B3GALNT2: variants seen among roughly 807,000 people sequenced by gnomAD.
B3GALNT2 encodes the protein UDP-GalNAc:beta-1,3-N-acetylgalactosaminyltransferase 2.
B3GALNT2 carries 53 observed loss-of-function variants against 61.1 expected under a neutral mutation model. The ratio of observed to expected loss-of-function variants is 0.87; its 90% confidence interval spans 0.70 to 1.09. The LOEUF is 1.09. Among genes scored for constraint, B3GALNT2 ranks in the 50% least tolerant of loss-of-function variants. The pLI, the probability that B3GALNT2 is intolerant of heterozygous loss-of-function variation, is 0.00. For missense variants in B3GALNT2, 544 were observed against 623.0 expected (o/e 0.87, Z 1.35); for synonymous variants, 223 against 237.4 (o/e 0.94, Z 0.56).
intron 4 of B3GALNT2, among the ~76,000 whole-genome samples, chr1:235,484,111 T>C (rs1229575809): frequency 1.3e-5 from 2 of 152,180 alleles, no homozygotes; most frequent in Non-Finnish European, 1.5e-5. Flanking sequence ...CCTTCTCTTC[T>C]AGATATAGCA....
At chr1:235,460,262 G>A (rs1403756373) in intron 7 of B3GALNT2, among the ~76,000 whole-genome samples, 1 of 151,714 alleles carries the variant, frequency 6.6e-6, no homozygotes, top group African/African-American at 2.4e-5. Context: ...GATTACAGGC[G>A]CCTGCCACTG....
intron 4 of B3GALNT2, among the ~76,000 whole-genome samples, chr1:235,481,647 AGTT>A (rs1684568972): frequency 1.3e-5 from 2 of 152,086 alleles, no homozygotes; most frequent in African/African-American, 4.8e-5. Context: ...CCTGGCTGAT[AGTT>A]TTTTTTTTAA....
At chr1:235,460,276 C>T (rs1419514530) in intron 7 of B3GALNT2, among the ~76,000 whole-genome samples, 1 of 151,344 alleles carries the variant, frequency 6.6e-6, no homozygotes, top group Non-Finnish European at 1.5e-5. Flanking sequence ...GCCACTGTGC[C>T]CAGCTAATTG....
chr1:235,503,903 T>C (rs573534094), intron 1 of B3GALNT2, among the ~76,000 whole-genome samples: 1 of 152,294 alleles, frequency 6.6e-6, no homozygotes, highest in South Asian at 2.1e-4. Context: ...GCGCCGGCTC[T>C]GCGGGCGTTA....
chr1:235,481,253 G>C (rs1684553414), intron 4 of B3GALNT2, among the ~76,000 whole-genome samples: 1 of 152,110 alleles, frequency 6.6e-6, no homozygotes, highest in African/African-American at 2.4e-5. Flanking sequence ...CTCCTCCCTG[G>C]TTAAAAATAT....
At chr1:235,497,592 C>A (rs1685386515) in intron 1 of B3GALNT2, among the ~76,000 whole-genome samples, 1 of 152,162 alleles carries the variant, frequency 6.6e-6, no homozygotes, top group African/African-American at 2.4e-5. Context: ...TAATTTACTA[C>A]CTTATTTTTG....
intron 11 of B3GALNT2, chr1:235,451,051 G>A (rs896017158): frequency 6.6e-6 from 1 of 152,288 alleles, no homozygotes; most frequent in African/African-American, 2.4e-5. Context: ...AAGAAACAGG[G>A]TAGGAGAAAG....
chr1:235,443,061 C>T (rs1188487484), downstream of B3GALNT2: 1 of 787,024 alleles, frequency 1.3e-6, no homozygotes, highest in East Asian at 2.7e-5. Flanking sequence ...AAAATACAAT[C>T]AATCATGCTA....
chr1:235,455,633 A>T lies in B3GALNT2; in HGVS notation c.1077T>A (p.Cys359Ter). 1.9e-6 allele frequency: 3 copies of T among 1,604,388 alleles called. No homozygotes were observed. The highest frequency in any genetic ancestry group is 4.5e-5 in the East Asian group (2 of 44,818). The change falls in exon 9 of 12, where the codon TGT becomes TGA. Residue 359 changes from cysteine to a stop codon, truncating the protein, a stop_gained. Transcript: ENST00000366600. LOFTEE classifies it high-confidence loss of function. ...TAAATACAGCTTCGAGGTCTATGTA[A>T]CAGTCATCATCTGTCTTCAGCAACA... Reference protein sequence around the residue: ...FNLLLKTDDDCYIDLEAVFNR... With the variant: ...FNLLLKTDDD
intron 4 of B3GALNT2, 100 bp downstream of exon 4, chr1:235,484,222 A>G (rs1005116624): frequency 2.1e-6 from 3 of 1,449,882 alleles, no homozygotes; most frequent in Non-Finnish European, 2.7e-6. Flanking sequence ...AACCAGAGAG[A>G]ATTATATAGT....
chr1:235,476,411 TAAACAAACAAAC>T (rs111689826), intron 5 of B3GALNT2, among the ~76,000 whole-genome samples: 3 of 148,074 alleles, frequency 2.0e-5, no homozygotes, highest in Non-Finnish European at 1.5e-5. Context: ...ACTCCGTTTC[TAAACAAACAAAC>T]AAACAAACAA....
At chr1:235,488,417 C>T (rs1684903554) in intron 3 of B3GALNT2, among the ~76,000 whole-genome samples, 1 of 152,066 alleles carries the variant, frequency 6.6e-6, no homozygotes, top group African/African-American at 2.4e-5. Flanking sequence ...GGTATGGTGG[C>T]TCATGCCTGT....
At chr1:235,472,705 T>C (rs1025743844) in intron 5 of B3GALNT2, among the ~76,000 whole-genome samples, 8 of 152,108 alleles carry the variant, frequency 5.3e-5, no homozygotes, top group African/African-American at 9.7e-5. Flanking sequence ...GAATTGACTA[T>C]AGTATAGAGG....
In B3GALNT2 at chr1:235,494,747, T is replaced by G; in HGVS notation, c.194A>C (p.Glu65Ala). ...GGTGCTTCTTATCACGTTTCGAAGTTCATGGTTATTGCGAGCTGACAACAC... is the reference window on the plus strand; with the variant it reads ...GGTGCTTCTTATCACGTTTCGAAGTGCATGGTTATTGCGAGCTGACAACAC... ...VGVLSARNNH[E>A]LRNVIRSTWM... The change falls in exon 2 of 12, where the codon GAA (glutamate) becomes GCA (alanine). Residue 65 changes from glutamate to alanine, a missense_variant. Coordinates refer to ENST00000366600, the MANE Select transcript of B3GALNT2 (RefSeq NM_152490.5). The G allele has an allele frequency of 6.2e-7, 1 of 1,612,942 alleles. No individual in the cohort carries two copies. The highest frequency in any genetic ancestry group is 8.5e-7 in the Non-Finnish European group (1 of 1,178,950).
At chr1:235,494,420 A>G (rs986871474) in intron 2 of B3GALNT2, among the ~76,000 whole-genome samples, 16 of 152,104 alleles carry the variant, frequency 1.1e-4, no homozygotes, top group African/African-American at 3.9e-4. Context: ...CACATATCTG[A>G]ATGAACATTT....
At chr1:235,442,421 C>T (rs960029493), downstream of B3GALNT2, among the ~76,000 whole-genome samples, 3 of 152,192 alleles carry the variant, frequency 2.0e-5, no homozygotes, top group Admixed American at 6.5e-5. Flanking sequence ...CCACCCGCCT[C>T]GGCCTCCCAA....
Position 235,450,068 on chromosome 1 carries a change from G to A in B3GALNT2, c.*138C>T. The A allele has an allele frequency of 9.8e-7, 1 of 1,025,226 alleles. No homozygotes were observed. The highest frequency in any genetic ancestry group is 1.6e-5 in the African/African-American group (1 of 62,814). 63.5% of individuals were successfully genotyped at this position (1,025,226 alleles called of 1,614,324 possible). Reference sequence around the variant, plus strand: ...TGCAAACATTAAGAAACACCGCATTGGTTCTGGGTGAAAGTGCCAGTCTGG... The same window carrying A: ...TGCAAACATTAAGAAACACCGCATTAGTTCTGGGTGAAAGTGCCAGTCTGG... On this transcript the variant is annotated 3_prime_UTR_variant, in exon 12 of 12. Coordinates refer to ENST00000366600, the MANE Select transcript of B3GALNT2 (RefSeq NM_152490.5).
chr1:235,443,542 A>AT (rs1433770217), downstream of B3GALNT2, among the ~76,000 whole-genome samples: 2 of 152,158 alleles, frequency 1.3e-5, no homozygotes, highest in African/African-American at 4.8e-5. Context: ...GAGACCTTGA[A>AT]TGGCATAGCC....
At chr1:235,480,231 C>CT in intron 4 of B3GALNT2, 82 bp from the exon 5 acceptor site, 1 of 1,535,140 alleles carries the variant, frequency 6.5e-7, no homozygotes, top group Non-Finnish European at 8.8e-7. Flanking sequence ...CACCTTACTT[C>CT]TTGGTCAGCT....
Sources: allele counts gnomAD v4.1 joint callset (sites outside exome capture counted in the v4.1 genomes callset), GRCh38; gene constraint gnomAD v4.1.1; transcripts MANE v1.5; gene names NCBI Gene and HGNC (gene_info 2026-07-23, HGNC 2026-07-21).